CNTNAP2: variants seen among roughly 807,000 people sequenced by gnomAD.
CNTNAP2 encodes the protein contactin-associated protein-like 2.
Under a neutral mutation model 155.2 loss-of-function variants are expected in CNTNAP2, and 98 were observed. The observed-to-expected ratio is 0.63, with a 90% CI of 0.54 to 0.75. The LOEUF is 0.75. CNTNAP2 is among the 30% of genes least tolerant of loss of function. CNTNAP2 has a pLI of 0.00. For synonymous variants in CNTNAP2, 651 were observed against 631.2 expected (o/e 1.03, Z -0.47); for missense variants, 1,727 against 1,688.1 (o/e 1.02, Z -0.40).
intron 1 of CNTNAP2, among the ~76,000 whole-genome samples, chr7:146,281,151 A>G (rs894383832): frequency 6.6e-6 from 1 of 152,044 alleles, no homozygotes; most frequent in African/African-American, 2.4e-5. Context: ...AAATATATGC[A>G]TTTTTCTGGT....
intron 18 of CNTNAP2, among the ~76,000 whole-genome samples, chr7:148,213,905 G>T (rs1468889876): frequency 1.3e-5 from 2 of 152,102 alleles, no homozygotes; most frequent in African/African-American, 4.8e-5. Flanking sequence ...AGCCTCGGGG[G>T]TCTCAAGTGA....
intron 1 of CNTNAP2, among the ~76,000 whole-genome samples, chr7:146,497,781 A>T (rs1029662644): frequency 5.3e-5 from 8 of 149,614 alleles, no homozygotes; most frequent in Admixed American, 2.7e-4. Flanking sequence ...AATCATACAT[A>T]TGATTTCCAT....
intron 13 of CNTNAP2, among the ~76,000 whole-genome samples, chr7:147,654,745 G>A (rs1400512882): frequency 6.8e-6 from 1 of 147,056 alleles, no homozygotes; most frequent in African/African-American, 2.5e-5. Flanking sequence ...TTTCAATGTA[G>A]TTTACTCAGA....
intron 3 of CNTNAP2, among the ~76,000 whole-genome samples, chr7:147,021,360 T>G (rs868291891): frequency 6.6e-6 from 1 of 152,178 alleles, no homozygotes; most frequent in African/African-American, 2.4e-5. Flanking sequence ...TTGTTTTTTA[T>G]TACATATTCT....
chr7:146,247,449 G>A (rs1799679282), intron 1 of CNTNAP2, among the ~76,000 whole-genome samples: 1 of 152,018 alleles, frequency 6.6e-6, no homozygotes. Flanking sequence ...GAGGGGAGAG[G>A]TAGAAAAGGA....
intron 15 of CNTNAP2, among the ~76,000 whole-genome samples, chr7:148,041,501 T>G (rs963205792): frequency 6.6e-5 from 10 of 152,218 alleles, no homozygotes; most frequent in African/African-American, 2.4e-4. Context: ...CAACCCTAGA[T>G]TAATCTGAGT....
At position 147,330,528 on chromosome 7, in the gene CNTNAP2, A is replaced by G. The variant is rs113045120; in HGVS notation, c.1498+30238A>G. Among the ~76,000 whole-genome samples the G allele has an allele frequency of 1.6e-3, 251 of 152,300 alleles. 1 individual carries two copies. Among genetic ancestry groups the G allele is most frequent in the African/African-American group, 5.8e-3 (240 of 41,566 alleles). On this transcript the variant is annotated intron_variant, in intron 9 of 23. Transcript: ENST00000361727. ...TGGACTTATGATTGGCATCTGAATT[A>G]TGATTTTGGAACTGAGTCCTTCACC... is the stretch of plus-strand genomic sequence containing the variant.
At chr7:147,775,367 ATATATATATTTATATATATT>A (rs1262530193) in intron 13 of CNTNAP2, among the ~76,000 whole-genome samples, 1 of 36,902 alleles carries the variant, frequency 2.7e-5, no homozygotes, top group African/African-American at 4.4e-4. Context: ...ATTTATAAAT[ATATATATATTTATATATATT>A]TATAAATATA....
At chr7:146,489,785 C>T (rs767914086) in intron 1 of CNTNAP2, among the ~76,000 whole-genome samples, 3 of 151,922 alleles carry the variant, frequency 2.0e-5, no homozygotes, top group African/African-American at 4.8e-5. Flanking sequence ...AGAGAAGGCA[C>T]GTGGGGGTGG....
Position 146,953,082 on chromosome 7 carries a change from C to T in CNTNAP2, c.403-90825C>T, listed in dbSNP as rs146261596. 3.7e-4 allele frequency among the ~76,000 whole-genome samples: 57 copies of T among 152,096 alleles called. No homozygotes were observed. The East Asian group carries it at 8.5e-3, about 23-fold the overall frequency. On this transcript the variant is annotated intron_variant, in intron 3 of 23. Transcript: ENST00000361727. ...ATGAACAGATCATAGAATATTCTAG[C>T]TCTCAAGGCTGGTCTCAGCAAGACA...
rs10557373 is a variant in CNTNAP2, at chr7:147,365,383, G to GAA, written c.1499-30202_1499-30201dup. On this transcript the variant is annotated intron_variant, in intron 9 of 23. Transcript: ENST00000361727. Reference sequence around the variant, plus strand: ...GAGGAGAGACACTCTATCTCAAAAAGAAAAAAAAAAAAAAAAAAAAAAAAA... The same window carrying GAA: ...GAGGAGAGACACTCTATCTCAAAAAGAAAAAAAAAAAAAAAAAAAAAAAAAAA... Among the ~76,000 whole-genome samples the GAA allele has an allele frequency of 3.6e-3, 340 of 93,628 alleles. 12 individuals carry two copies. Among genetic ancestry groups the GAA allele is most frequent in the African/African-American group, 5.1e-3 (118 of 23,138 alleles). The allele number at this position is 93,628 out of a possible 152,430, so 61.4% of individuals were successfully genotyped here.
At chr7:146,973,129 A>G (rs911100630) in intron 3 of CNTNAP2, among the ~76,000 whole-genome samples, 1 of 152,150 alleles carries the variant, frequency 6.6e-6, no homozygotes, top group Admixed American at 6.5e-5. Context: ...CCCAGGTTCA[A>G]GTGATTCTCC....
chr7:146,451,554 C>T (rs2129122348), intron 1 of CNTNAP2, among the ~76,000 whole-genome samples: 1 of 152,226 alleles, frequency 6.6e-6, no homozygotes, highest in East Asian at 1.9e-4. Flanking sequence ...GTATAGTGCT[C>T]TGCTGTCACT....
chr7:147,596,255 T>C (rs980268010), intron 12 of CNTNAP2, among the ~76,000 whole-genome samples: 3 of 152,182 alleles, frequency 2.0e-5, no homozygotes, highest in Non-Finnish European at 4.4e-5. Flanking sequence ...CTCACTCTCT[T>C]TTACTACCTG....
chr7:147,528,896 A>G (rs1381592640), intron 11 of CNTNAP2, among the ~76,000 whole-genome samples: 1 of 152,258 alleles, frequency 6.6e-6, no homozygotes, highest in African/African-American at 2.4e-5. Flanking sequence ...GACACACAGT[A>G]GATGAGCTCA....
intron 3 of CNTNAP2, among the ~76,000 whole-genome samples, chr7:146,857,145 A>G (rs1795006103): frequency 6.6e-6 from 1 of 152,098 alleles, no homozygotes; most frequent in Non-Finnish European, 1.5e-5. Flanking sequence ...ATGATATGCA[A>G]CTTATTCTCA....
chr7:146,388,478 A>G (rs1384703267), intron 1 of CNTNAP2, among the ~76,000 whole-genome samples: 2 of 152,006 alleles, frequency 1.3e-5, no homozygotes, highest in African/African-American at 4.8e-5. Flanking sequence ...GTATATATTT[A>G]TGGGGTACAT....
intron 3 of CNTNAP2, among the ~76,000 whole-genome samples, chr7:147,012,016 C>T (rs1325412725): frequency 6.6e-6 from 1 of 152,192 alleles, no homozygotes; most frequent in Non-Finnish European, 1.5e-5. Context: ...AAAATGGATA[C>T]TTTTCCCTGT....
chr7:147,225,846 AGAAGGAAGGAGGGAAAGAAG>A (rs1339039517), intron 8 of CNTNAP2, among the ~76,000 whole-genome samples: 2 of 96,476 alleles, frequency 2.1e-5, no homozygotes, highest in African/African-American at 4.0e-5. Flanking sequence ...AAGGAGGGAA[AGAAGGAAGGAGGGAAAGAAG>A]GAAGGAGGGA....
Sources: gnomAD v4.1 joint callset for allele counts (sites outside exome capture counted in the v4.1 genomes callset) on GRCh38, gnomAD v4.1.1 for gene constraint, MANE v1.5 for transcripts, NCBI Gene and HGNC (gene_info 2026-07-23, HGNC 2026-07-21) for gene names.